BIRC6: variants seen among roughly 807,000 people sequenced by gnomAD.
BIRC6 encodes the protein dual E2 ubiquitin-conjugating enzyme/E3 ubiquitin-protein ligase BIRC6.
Under a neutral mutation model 503.3 loss-of-function variants are expected in BIRC6, and 98 were observed. That is an observed-to-expected ratio of 0.19 (90% CI 0.17 to 0.23). The LOEUF is 0.23. Ranked by LOEUF, BIRC6 falls within the 10% of genes least tolerant of loss-of-function variation. BIRC6 has a pLI of 1.00. For synonymous variants in BIRC6, 2,240 were observed against 2,078.7 expected, an observed-to-expected ratio of 1.08 and a Z score of -2.11; for missense variants, 5,360 against 5,806.0, an observed-to-expected ratio of 0.92 and a Z score of 2.50.
At chr2:32,502,651 T>C (rs1478398335) in intron 47 of BIRC6, 144 bp from the exon 48 acceptor site, 7 of 555,706 alleles carry the variant, frequency 1.3e-5, no homozygotes, top group East Asian at 9.7e-5. Flanking sequence ...AGATTTCTTA[T>C]GTATTTTGGC....
chr2:32,366,793 G>T (rs1210516878), intron 1 of BIRC6, among the ~76,000 whole-genome samples: 1 of 151,048 alleles, frequency 6.6e-6, no homozygotes, highest in Non-Finnish European at 1.5e-5. Context: ...GACCAGCCTG[G>T]GCAACATAGT....
intron 55 of BIRC6, among the ~76,000 whole-genome samples, chr2:32,518,013 T>C (rs1156420255): frequency 1.3e-5 from 2 of 152,076 alleles, no homozygotes; most frequent in Non-Finnish European, 2.9e-5. Flanking sequence ...TTTCTAACCC[T>C]GGACACGTTT....
chr2:32,475,562 T>C (rs1305580454), intron 33 of BIRC6, among the ~76,000 whole-genome samples: 1 of 152,178 alleles, frequency 6.6e-6, no homozygotes, highest in African/African-American at 2.4e-5. Flanking sequence ...TCCAACTAAA[T>C]ACGTACACAG....
intron 65 of BIRC6, among the ~76,000 whole-genome samples, chr2:32,553,036 CAAAA>C (rs1484206998): frequency 2.8e-5 from 4 of 143,598 alleles, no homozygotes; most frequent in African/African-American, 7.7e-5. Flanking sequence ...AAAAAACAAA[CAAAA>C]AACAAAATTA....
At position 32,515,245 on chromosome 2, in the gene BIRC6, A is replaced by G; in HGVS notation, c.10824A>G (p.Ser3608=). 1 of 1,613,916 alleles carries G rather than the reference A, an allele frequency of 6.2e-7. No individual in the cohort carries two copies. The highest frequency in any genetic ancestry group is 8.5e-7 in the Non-Finnish European group (1 of 1,179,898). The part of the protein sequence containing the change: ...NAQAPLALTE[S]HLATLASSSQ... Reference sequence around the variant, plus strand: ...AAGCACCTCTCGCATTAACTGAATCACATTTGGCTACCCTTGCTTCCTCTT... The same window carrying G: ...AAGCACCTCTCGCATTAACTGAATCGCATTTGGCTACCCTTGCTTCCTCTT... The change falls in exon 55 of 74, where the codon TCA becomes TCG. Residue 3608 remains serine (S), a synonymous_variant. Transcript: ENST00000421745.
intron 10 of BIRC6, among the ~76,000 whole-genome samples, chr2:32,422,234 G>T (rs2043024499): frequency 6.6e-6 from 1 of 152,076 alleles, no homozygotes; most frequent in Admixed American, 6.5e-5. Context: ...TTATACAGTT[G>T]GATAACCTGT....
intron 53 of BIRC6, among the ~76,000 whole-genome samples, chr2:32,511,132 A>G (rs1396107542): frequency 2.0e-5 from 3 of 151,722 alleles, no homozygotes; most frequent in Non-Finnish European, 2.9e-5. Context: ...AGAATGAAAC[A>G]ATATCATAAC....
At chr2:32,484,334 C>T (rs1179504107) in intron 39 of BIRC6, among the ~76,000 whole-genome samples, 1 of 151,964 alleles carries the variant, frequency 6.6e-6, no homozygotes, top group Non-Finnish European at 1.5e-5. Flanking sequence ...GGTGGATCAC[C>T]TGAGGTCAAG....
At chr2:32,425,090 A>G (rs1288614040) in intron 10 of BIRC6, among the ~76,000 whole-genome samples, 1 of 96,900 alleles carries the variant, frequency 1.0e-5, no homozygotes, top group African/African-American at 3.7e-5. Flanking sequence ...GTCCTTGTCC[A>G]CTTTTGAATT....
chr2:32,449,637 G>A (rs1410171519), intron 22 of BIRC6, among the ~76,000 whole-genome samples: 1 of 152,134 alleles, frequency 6.6e-6, no homozygotes, highest in African/African-American at 2.4e-5. Flanking sequence ...AATTTTGAGA[G>A]AGAAGTTCAA....
intron 61 of BIRC6, among the ~76,000 whole-genome samples, chr2:32,541,551 T>C (rs778310755): frequency 2.6e-5 from 4 of 152,122 alleles, no homozygotes; most frequent in Non-Finnish European, 4.4e-5. Flanking sequence ...ATCAGTCTAC[T>C]AAAGTCATAC....
chr2:32,538,440 A>G (rs1047380836), intron 61 of BIRC6, among the ~76,000 whole-genome samples: 1 of 152,216 alleles, frequency 6.6e-6, no homozygotes, highest in Non-Finnish European at 1.5e-5. Flanking sequence ...TGGCCCATAC[A>G]TTAGGAATAA....
intron 9 of BIRC6, among the ~76,000 whole-genome samples, chr2:32,413,539 G>C (rs945515661): frequency 1.3e-5 from 2 of 151,652 alleles, no homozygotes; most frequent in Admixed American, 6.6e-5. Context: ...GGCTGGTCTC[G>C]AACTCCTGAG....
chr2:32,485,511 T>A, intron 39 of BIRC6, 132 bp from the exon 40 acceptor site: 1 of 584,480 alleles, frequency 1.7e-6, no homozygotes, highest in Non-Finnish European at 3.1e-6. Context: ...CGATACTGCA[T>A]GTTAGGTGGC....
intron 3 of BIRC6, 145 bp downstream of exon 3, chr2:32,380,435 A>G (rs749352290): frequency 6.7e-6 from 8 of 1,199,086 alleles, no homozygotes; most frequent in Non-Finnish European, 6.5e-6. Flanking sequence ...AAGTCATCTT[A>G]AAGTTGAAAC....
At chr2:32,369,733 G>A (rs1013905713) in intron 1 of BIRC6, among the ~76,000 whole-genome samples, 13 of 151,090 alleles carry the variant, frequency 8.6e-5, no homozygotes, top group Non-Finnish European at 1.6e-4. Context: ...CGGCGCCATT[G>A]ATTTACAGAC....
At position 32,499,855 on chromosome 2, in the gene BIRC6, T is replaced by A. The variant is rs759706498; in HGVS notation, c.8777T>A (p.Val2926Asp). 6.2e-7 allele frequency: 1 copy of A among 1,614,026 alleles called. No homozygotes were observed. The highest frequency in any genetic ancestry group is 8.5e-7 in the Non-Finnish European group (1 of 1,179,898). ...CTCATGTTTGATTTGTTAAAACTTG[T>A]TAACATTTTAGTGCAGCTGCCTCTT... ...DQLMFDLLKL[V>D]NILVQLPLSG... Residue 2926 changes from valine (V) to aspartate (D), a missense_variant, in exon 46 of 74, where the codon GTT (valine) becomes GAT (aspartate). Transcript: ENST00000421745.
chr2:32,378,459 T>C (rs2037151889), intron 2 of BIRC6, among the ~76,000 whole-genome samples: 1 of 145,536 alleles, frequency 6.9e-6, no homozygotes, highest in African/African-American at 2.5e-5. Context: ...ACAGCAGTAA[T>C]TTTTTTTTTT....
rs150361826 is a variant in BIRC6, at chr2:32,603,590, C to G, written c.14070+507C>G. 3.3e-3 allele frequency among the ~76,000 whole-genome samples: 509 copies of G among 152,068 alleles called. 2 individuals are homozygous for G. Among genetic ancestry groups the G allele is most frequent in the African/African-American group, 0.012 (480 of 41,500 alleles). ...ATACAATTAGCCGGACGAGGTGGTGCGTGCCTATAATCCCAGCTACTAGGA... is the reference window on the plus strand; with the variant it reads ...ATACAATTAGCCGGACGAGGTGGTGGGTGCCTATAATCCCAGCTACTAGGA... On this transcript the variant is annotated intron_variant, in intron 71 of 73. Transcript: ENST00000421745.
Sources: allele counts gnomAD v4.1 joint callset (sites outside exome capture counted in the v4.1 genomes callset), GRCh38; gene constraint gnomAD v4.1.1; transcripts MANE v1.5; gene names NCBI Gene and HGNC (gene_info 2026-07-23, HGNC 2026-07-21).